The following SLC44A5 variants were observed in gnomAD, a reference collection of about 807,000 sequenced individuals.
The protein encoded by SLC44A5 is choline transporter-like protein 5.
In SLC44A5, 57 loss-of-function variants were observed where a neutral mutation model predicts 101.8. That is an observed-to-expected ratio of 0.56 (90% confidence interval 0.45 to 0.70). The LOEUF is 0.70. Among genes scored for constraint, SLC44A5 ranks in the 30% least tolerant of loss-of-function variants. The pLI is 0.00. For missense variants in SLC44A5, 737 were observed against 853.1 expected, an observed-to-expected ratio of 0.86 and a Z score of 1.70; for synonymous variants, 281 against 290.9, an observed-to-expected ratio of 0.97 and a Z score of 0.35.
At chr1:75,425,745 T>C (rs1406106187) in intron 2 of SLC44A5, among the ~76,000 whole-genome samples, 3 of 152,152 alleles carry the variant, frequency 2.0e-5, no homozygotes, top group Non-Finnish European at 4.4e-5. Context: ...GAACATGCCA[T>C]GCTATGGGCC....
intron 5 of SLC44A5, among the ~76,000 whole-genome samples, chr1:75,284,003 T>C (rs1652834843): frequency 6.6e-6 from 1 of 152,130 alleles, no homozygotes. Context: ...TTTGATTCCA[T>C]ATGAATTTTA....
At chr1:75,278,323 T>C (rs1652102169) in intron 5 of SLC44A5, among the ~76,000 whole-genome samples, 1 of 152,128 alleles carries the variant, frequency 6.6e-6, no homozygotes, top group Non-Finnish European at 1.5e-5. Context: ...CTTACACATA[T>C]AATTCACTTT....
intron 9 of SLC44A5, among the ~76,000 whole-genome samples, chr1:75,241,228 C>CT (rs1220506277): frequency 6.6e-6 from 1 of 151,300 alleles, no homozygotes; most frequent in Non-Finnish European, 1.5e-5. Flanking sequence ...TCTTCTTTTT[C>CT]TTTTTATTTT....
chr1:75,325,632 T>C (rs1299649232), intron 4 of SLC44A5, among the ~76,000 whole-genome samples: 2 of 152,140 alleles, frequency 1.3e-5, no homozygotes, highest in Non-Finnish European at 2.9e-5. Flanking sequence ...TGTATTTTAT[T>C]ATTAGTTACT....
chr1:75,318,370 TGAAAGAAA>T (rs5775281), intron 4 of SLC44A5, among the ~76,000 whole-genome samples: 46,521 of 130,106 alleles, frequency 0.36, 8,352 homozygotes, highest in East Asian at 0.39. Flanking sequence ...TCCCATCTCT[TGAAAGAAA>T]GAAAGAAAGA....
intron 2 of SLC44A5, among the ~76,000 whole-genome samples, chr1:75,490,589 T>C (rs921092009): frequency 6.6e-5 from 10 of 152,224 alleles, no homozygotes; most frequent in African/African-American, 2.4e-4. Context: ...ACTCAAAACC[T>C]TCTACACTCT....
the SLC44A5 span, among the ~76,000 whole-genome samples, chr1:75,684,242 G>T: frequency 6.6e-6 from 1 of 152,144 alleles, no homozygotes; most frequent in East Asian, 1.9e-4. Context: ...GACACATGGG[G>T]ATTATTACAA....
chr1:75,435,713 C>T (rs1664848923), intron 2 of SLC44A5, among the ~76,000 whole-genome samples: 1 of 152,080 alleles, frequency 6.6e-6, no homozygotes, highest in African/African-American at 2.4e-5. Flanking sequence ...AAGACTCAAA[C>T]TTAAGATTGT....
chr1:75,480,448 AGAG>A (rs1334258218), intron 2 of SLC44A5, among the ~76,000 whole-genome samples: 1 of 152,236 alleles, frequency 6.6e-6, no homozygotes, highest in Non-Finnish European at 1.5e-5. Flanking sequence ...GATTAGGAAA[AGAG>A]GAAGTCAAAT....
At chr1:75,422,705 A>C (rs1202099436) in intron 2 of SLC44A5, among the ~76,000 whole-genome samples, 1 of 152,136 alleles carries the variant, frequency 6.6e-6, no homozygotes, top group African/African-American at 2.4e-5. Flanking sequence ...GTTGCAAAAA[A>C]CCTTGATTGC....
At chr1:75,419,471 GAA>G (rs1301483726) in intron 2 of SLC44A5, among the ~76,000 whole-genome samples, 1 of 112,986 alleles carries the variant, frequency 8.9e-6, no homozygotes, top group African/African-American at 3.3e-5. Context: ...TAAAGAGAGA[GAA>G]AAAAAAAAAG....
rs545788854 is a variant in SLC44A5, at chr1:75,368,294, T to G, written c.52+28289A>C. Among the ~76,000 whole-genome samples, 4 of 152,320 alleles carry G rather than the reference T, an allele frequency of 2.6e-5. No homozygotes were observed. The East Asian group carries it at 7.7e-4, about 29-fold the overall frequency. On this transcript the variant is annotated intron_variant, in intron 3 of 23. Coordinates refer to ENST00000370859, the MANE Select transcript of SLC44A5 (RefSeq NM_001130058.2). ...TTCCTTGATGTCCACAGGGGATTGTTTCTAGAACCTTTCCCTTATAACAAA... is the reference window on the plus strand; with the variant it reads ...TTCCTTGATGTCCACAGGGGATTGTGTCTAGAACCTTTCCCTTATAACAAA...
At chr1:75,605,197 A>T (rs1675250943) in intron 1 of SLC44A5, among the ~76,000 whole-genome samples, 1 of 151,728 alleles carries the variant, frequency 6.6e-6, no homozygotes, top group Non-Finnish European at 1.5e-5. Flanking sequence ...TTAAGTTTTT[A>T]AAAACTATGA....
intron 5 of SLC44A5, among the ~76,000 whole-genome samples, chr1:75,293,346 CAAG>C (rs1385730654): frequency 6.6e-6 from 1 of 152,144 alleles, no homozygotes; most frequent in Non-Finnish European, 1.5e-5. Flanking sequence ...AGCCCTCTGT[CAAG>C]GAGAAAATGT....
At chr1:75,269,963 A>C (rs1247860650) in intron 6 of SLC44A5, among the ~76,000 whole-genome samples, 1 of 152,110 alleles carries the variant, frequency 6.6e-6, no homozygotes, top group Non-Finnish European at 1.5e-5. Flanking sequence ...TAAGTCTCAC[A>C]AGAGCTGATG....
At chr1:75,313,776 C>T (rs997059360) in intron 4 of SLC44A5, among the ~76,000 whole-genome samples, 1 of 152,008 alleles carries the variant, frequency 6.6e-6, no homozygotes, top group African/African-American at 2.4e-5. Context: ...TGAGAGGAAG[C>T]AGTAGGGCTC....
intron 2 of SLC44A5, among the ~76,000 whole-genome samples, chr1:75,405,262 CT>C (rs1662774350): frequency 6.6e-6 from 1 of 152,274 alleles, no homozygotes; most frequent in Non-Finnish European, 1.5e-5. Flanking sequence ...TCTTGGGAGA[CT>C]CTAACACCCC....
At chr1:75,670,833 T>C in the SLC44A5 span, among the ~76,000 whole-genome samples, 1 of 152,234 alleles carries the variant, frequency 6.6e-6, no homozygotes, top group African/African-American at 2.4e-5. Context: ...ACAGTTGTCT[T>C]ACTGGAGTTT....
chr1:75,262,703 G>C (rs1386954106), intron 6 of SLC44A5, among the ~76,000 whole-genome samples: 2 of 152,098 alleles, frequency 1.3e-5, no homozygotes, highest in Non-Finnish European at 2.9e-5. Context: ...AACAAAGCTG[G>C]AGGCATCACA....
Sources: allele counts gnomAD v4.1 joint callset (sites outside exome capture counted in the v4.1 genomes callset), GRCh38; gene constraint gnomAD v4.1.1; transcripts MANE v1.5; gene names NCBI Gene and HGNC (gene_info 2026-07-23, HGNC 2026-07-21).